CPEB1: variants seen among roughly 807,000 people sequenced by gnomAD.
CPEB1 encodes cytoplasmic polyadenylation element binding protein 1, also known as cytoplasmic polyadenylation element-binding protein 1.
In CPEB1, 7 loss-of-function variants were observed where a neutral mutation model predicts 65.8. The ratio of observed to expected loss-of-function variants is 0.11; its 90% CI spans 0.06 to 0.20. The LOEUF is 0.20. Among genes scored for constraint, CPEB1 ranks in the 10% least tolerant of loss-of-function variants. CPEB1 has a pLI of 1.00. For missense variants in CPEB1, 551 were observed against 712.2 expected (o/e 0.77, Z 2.58); for synonymous variants, 262 against 260.0 (o/e 1.01, Z -0.08).
chr15:82,636,198 G>C (rs571654630), intron 1 of CPEB1, among the ~76,000 whole-genome samples: 8 of 152,180 alleles, frequency 5.3e-5, no homozygotes, highest in South Asian at 2.1e-4. Context: ...CAACCTTCTT[G>C]AAAATATATG....
chr15:82,641,660 T>G (rs901116527), intron 1 of CPEB1: 1 of 151,604 alleles, frequency 6.6e-6, no homozygotes, highest in Non-Finnish European at 1.5e-5. Flanking sequence ...TCCTGTTACC[T>G]CAGGGGAACT....
intron 3 of CPEB1, among the ~76,000 whole-genome samples, chr15:82,610,947 G>C (rs1213821728): frequency 2.1e-5 from 2 of 94,284 alleles, no homozygotes; most frequent in African/African-American, 8.4e-5. Flanking sequence ...GACAGAGTGA[G>C]ACTCCAGTCT....
At chr15:82,609,940 A>G (rs1596101453) in intron 3 of CPEB1, among the ~76,000 whole-genome samples, 1 of 151,912 alleles carries the variant, frequency 6.6e-6, no homozygotes, top group East Asian at 1.9e-4. Flanking sequence ...CATGCCTGTA[A>G]TATCAGCTAC....
chr15:82,549,338 G>A, intron 10 of CPEB1, 122 bp downstream of exon 10: 1 of 881,582 alleles, frequency 1.1e-6, no homozygotes, highest in South Asian at 1.5e-5. Flanking sequence ...TTATGGTGCT[G>A]GTATATGCTG....
At chr15:82,628,043 G>T (rs1045858996) in intron 2 of CPEB1, 1 of 607,568 alleles carries the variant, frequency 1.6e-6, no homozygotes, top group Admixed American at 2.9e-5. Flanking sequence ...GACCTTTAAG[G>T]CTCATTACAC....
intron 3 of CPEB1, among the ~76,000 whole-genome samples, chr15:82,584,208 G>A (rs533967975): frequency 7.2e-6 from 1 of 138,740 alleles, no homozygotes; most frequent in South Asian, 2.4e-4. Context: ...GCAGTGAGTG[G>A]AGATCGCACC....
chr15:82,571,795 C>G, intron 3 of CPEB1: 6 of 1,252,552 alleles, frequency 4.8e-6, no homozygotes, highest in Non-Finnish European at 6.0e-6. Context: ...GCTGCTGATG[C>G]TTCCCGCTGC....
At chr15:82,620,862 A>G (rs2045239953) in intron 3 of CPEB1, among the ~76,000 whole-genome samples, 1 of 152,196 alleles carries the variant, frequency 6.6e-6, no homozygotes, top group Non-Finnish European at 1.5e-5. Context: ...AAGGACTGCA[A>G]GGGGAATTTT....
At chr15:82,625,543 T>C (rs1451940146) in intron 3 of CPEB1, among the ~76,000 whole-genome samples, 1 of 152,160 alleles carries the variant, frequency 6.6e-6, no homozygotes, top group Non-Finnish European at 1.5e-5. Context: ...ACCCCCAGAG[T>C]ATACCAAAAT....
intron 1 of CPEB1, among the ~76,000 whole-genome samples, chr15:82,642,974 T>G (rs2047225110): frequency 6.6e-6 from 1 of 152,140 alleles, no homozygotes; most frequent in African/African-American, 2.4e-5. Context: ...AAACATAACT[T>G]TAGAAAATAA....
intron 3 of CPEB1, among the ~76,000 whole-genome samples, chr15:82,585,418 A>T (rs2041713767): frequency 6.6e-6 from 1 of 152,240 alleles, no homozygotes; most frequent in South Asian, 2.1e-4. Flanking sequence ...TAAGACTTTC[A>T]AAATTTAAAT....
intron 3 of CPEB1, among the ~76,000 whole-genome samples, chr15:82,585,933 CAGGCACTAG>C (rs2041760125): frequency 6.6e-6 from 1 of 151,494 alleles, no homozygotes; most frequent in Non-Finnish European, 1.5e-5. Context: ...TCTTGAGTGT[CAGGCACTAG>C]CTAGGCAACC....
intron 11 of CPEB1, 119 bp downstream of exon 11, chr15:82,547,024 G>A (rs2035351614): frequency 4.5e-6 from 3 of 669,204 alleles, no homozygotes; most frequent in Non-Finnish European, 7.9e-6. Context: ...CAGGAATTTG[G>A]CTCACTTCCC....
chr15:82,643,166 G>A (rs1189291521), intron 1 of CPEB1, among the ~76,000 whole-genome samples: 1 of 152,114 alleles, frequency 6.6e-6, no homozygotes, highest in Non-Finnish European at 1.5e-5. Context: ...TGCCTTGCTG[G>A]TAAAGGTTGC....
intron 3 of CPEB1, among the ~76,000 whole-genome samples, chr15:82,583,122 C>T (rs570977153): frequency 6.2e-4 from 94 of 152,232 alleles, no homozygotes; most frequent in African/African-American, 2.2e-3. Context: ...TAAGATTTCG[C>T]TGCTATGTGC....
intron 1 of CPEB1, 102 bp downstream of exon 1, chr15:82,647,035 G>A (rs1279165278): frequency 1.3e-5 from 2 of 152,740 alleles, no homozygotes; most frequent in African/African-American, 4.8e-5. Flanking sequence ...CCAGGCTGAG[G>A]GTCCGAACAG....
At chr15:82,560,391 T>C (rs76496098) in intron 4 of CPEB1, among the ~76,000 whole-genome samples, 13,674 of 150,466 alleles carry the variant, frequency 0.091, 858 homozygotes, top group East Asian at 0.32. Context: ...TTTTATCTTA[T>C]TGTCATTTGT....
intron 3 of CPEB1, among the ~76,000 whole-genome samples, chr15:82,582,228 C>A (rs1252729403): frequency 1.3e-5 from 2 of 152,170 alleles, no homozygotes; most frequent in African/African-American, 4.8e-5. Context: ...ACATACCCCA[C>A]ATTTTACTAA....
intron 11 of CPEB1, among the ~76,000 whole-genome samples, 181 bp from the exon 12 acceptor site, chr15:82,546,702 T>C (rs1448838790): frequency 6.6e-6 from 1 of 152,174 alleles, no homozygotes; most frequent in East Asian, 1.9e-4. Flanking sequence ...AAAGGAGTTC[T>C]AGAGGACAGA....
Sources: allele counts gnomAD v4.1 joint callset (sites outside exome capture counted in the v4.1 genomes callset), GRCh38; gene constraint gnomAD v4.1.1; transcripts MANE v1.5; gene names NCBI Gene and HGNC (gene_info 2026-07-23, HGNC 2026-07-21).